HSPA12A: variants seen among roughly 807,000 people sequenced by gnomAD.
HSPA12A encodes the protein heat shock protein family A (Hsp70) member 12A, also known as heat shock 70 kDa protein 12A.
HSPA12A carries 28 observed loss-of-function variants against 69.2 expected under a neutral mutation model. The ratio of observed to expected loss-of-function variants is 0.40; its 90% CI spans 0.30 to 0.55. The LOEUF (loss-of-function observed/expected upper bound fraction) is 0.55. HSPA12A is among the 20% of genes least tolerant of loss of function. HSPA12A has a pLI of 0.38. For synonymous variants in HSPA12A, 345 were observed against 370.5 expected, an observed-to-expected ratio of 0.93 and a Z score of 0.79; for missense variants, 686 against 900.7, an observed-to-expected ratio of 0.76 and a Z score of 3.05.
At chr10:116,763,303 G>C (rs546386003) in intron 2 of HSPA12A, among the ~76,000 whole-genome samples, 1 of 152,160 alleles carries the variant, frequency 6.6e-6, no homozygotes, top group Non-Finnish European at 1.5e-5. Flanking sequence ...GAAGCCAAAT[G>C]ATCTTTTAGC....
chr10:116,709,715 C>T lies in HSPA12A; in HGVS notation c.41-2430G>A, dbSNP rs1850369129. 1.3e-5 allele frequency among the ~76,000 whole-genome samples: 2 copies of T among 152,032 alleles called. 1 individual carries two copies. Among genetic ancestry groups the T allele is most frequent in the Non-Finnish European group, 2.9e-5 (2 of 67,988 alleles). Reference sequence around the variant, plus strand: ...AAGAGGAAGGGAGAAATGGAGAGTTCTTGCTTAATGAGTACAGAATTTCTC... The same window carrying T: ...AAGAGGAAGGGAGAAATGGAGAGTTTTTGCTTAATGAGTACAGAATTTCTC... On this transcript the variant is annotated intron_variant, in intron 1 of 11. Coordinates refer to ENST00000369209, the MANE Select transcript of HSPA12A (RefSeq NM_025015.3).
rs1850407993 is a variant in HSPA12A at position 116,710,989 on chromosome 10, T to C, written c.41-3704A>G. Among the ~76,000 whole-genome samples the C allele has an allele frequency of 1.3e-5, 2 of 152,026 alleles. No homozygotes were observed. The highest frequency in any genetic ancestry group is 4.8e-5 in the African/African-American group (2 of 41,396). On this transcript the variant is annotated intron_variant, in intron 1 of 11. Transcript: ENST00000369209. This position sits in a 1 kb window ranked among gnomAD's most constrained non-coding sequence, Gnocchi z 4.1. ...TCCCAACAAGGCTTGAGATCTTTCA[T>C]TCAGTAGGTAAATGATCAGAAATAA...
chr10:116,792,099 C>A (rs895432957), intron 2 of HSPA12A, among the ~76,000 whole-genome samples: 1 of 151,582 alleles, frequency 6.6e-6, no homozygotes, highest in Admixed American at 6.6e-5. Flanking sequence ...TTCTTGAACA[C>A]TTTCAGGTCT....
At chr10:116,733,864 C>T (rs782497888) in intron 1 of HSPA12A, among the ~76,000 whole-genome samples, 17 of 152,124 alleles carry the variant, frequency 1.1e-4, no homozygotes, top group Admixed American at 3.3e-4. Context: ...ATATTTTCAA[C>T]GTTTTTATGG....
intron 2 of HSPA12A, among the ~76,000 whole-genome samples, chr10:116,822,720 C>G (rs1044658244): frequency 2.0e-5 from 3 of 152,186 alleles, no homozygotes; most frequent in Middle Eastern, 3.2e-3. Context: ...ACATTTTTAT[C>G]ACTGGCTTGA....
intron 1 of HSPA12A, among the ~76,000 whole-genome samples, chr10:116,724,574 A>G (rs1850888609): frequency 6.6e-6 from 1 of 152,110 alleles, no homozygotes; most frequent in Non-Finnish European, 1.5e-5. Flanking sequence ...CAAGGGGTTA[A>G]CAGGGGCTGC....
chr10:116,705,703 C>A (rs1337236020), intron 2 of HSPA12A, among the ~76,000 whole-genome samples: 1 of 152,232 alleles, frequency 6.6e-6, no homozygotes. Context: ...GCTGTGCCCT[C>A]TGTACACCCA....
At position 116,781,537 on chromosome 10, in the gene HSPA12A, C is replaced by T. The variant is rs183646123; in HGVS notation, c.91+53398G>A. Among the ~76,000 whole-genome samples, 16 of 152,268 alleles carry T rather than the reference C, an allele frequency of 1.1e-4. No individual in the cohort carries two copies. The East Asian group carries it at 3.1e-3, about 29-fold the overall frequency. The stretch of plus-strand genomic sequence containing the variant: ...GGGGAGGGGTGGTGCAGGAGCCCCA[C>T]AGCCCTGGGTCCAAGGTGAGGCCAA... On this transcript the variant is annotated intron_variant, in intron 2 of 12. Transcript: ENST00000635765.
rs564411131 is a variant in HSPA12A at position 116,687,765 on chromosome 10, G to T, written c.664-3803C>A. On this transcript the variant is annotated intron_variant, in intron 6 of 11. Transcript: ENST00000369209. ...CAACTGCAACCACAGAACACTCTCCGTCTTTGCTAATTCTGCCTTCAGAGA... is the reference window on the plus strand; with the variant it reads ...CAACTGCAACCACAGAACACTCTCCTTCTTTGCTAATTCTGCCTTCAGAGA... Among the ~76,000 whole-genome samples, 141 of 152,288 alleles carry T rather than the reference G, an allele frequency of 9.3e-4. 2 individuals carry two copies. The South Asian group carries it at 0.027, about 29-fold the overall frequency.
At chr10:116,836,920 C>G (rs7072698) in intron 1 of HSPA12A, among the ~76,000 whole-genome samples, 7 of 151,976 alleles carry the variant, frequency 4.6e-5, no homozygotes, top group Non-Finnish European at 1.0e-4. Context: ...CATATAGGGT[C>G]CAGTGTGATT....
intron 1 of HSPA12A, chr10:116,849,533 G>A (rs762648187): frequency 8.1e-6 from 12 of 1,487,404 alleles, no homozygotes; most frequent in Non-Finnish European, 1.1e-5. Context: ...TGGGACCCCA[G>A]GCTAAACCCC....
chr10:116,734,650 C>CTTTTT (rs10631951), intron 1 of HSPA12A, among the ~76,000 whole-genome samples: 8 of 133,826 alleles, frequency 6.0e-5, no homozygotes, highest in African/African-American at 2.2e-4. Context: ...AGATTTTCAG[C>CTTTTT]TTTTTTTTTT....
At chr10:116,782,438 C>T (rs531873813) in intron 2 of HSPA12A, among the ~76,000 whole-genome samples, 7 of 152,242 alleles carry the variant, frequency 4.6e-5, no homozygotes, top group African/African-American at 1.2e-4. Flanking sequence ...CAACCAAAAT[C>T]GGGAGAGGGA....
At chr10:116,749,486 G>C (rs1851725488) in intron 2 of HSPA12A, among the ~76,000 whole-genome samples, 1 of 152,196 alleles carries the variant, frequency 6.6e-6, no homozygotes, top group Admixed American at 6.5e-5. Context: ...AGTGGCAGAG[G>C]AAGAATTTGC....
intron 2 of HSPA12A, among the ~76,000 whole-genome samples, chr10:116,801,142 T>C (rs140722623): frequency 6.6e-6 from 1 of 152,336 alleles, no homozygotes; most frequent in Admixed American, 6.5e-5. Flanking sequence ...ACACATCCTA[T>C]TTCCGGTCTA....
At chr10:116,805,148 C>T (rs560714000) in intron 2 of HSPA12A, among the ~76,000 whole-genome samples, 4 of 152,206 alleles carry the variant, frequency 2.6e-5, no homozygotes, top group Non-Finnish European at 5.9e-5. Flanking sequence ...AACCCTGTCT[C>T]TACTAAAAAT....
intron 10 of HSPA12A, among the ~76,000 whole-genome samples, chr10:116,678,587 A>G (rs1278774956): frequency 0.017 from 16 of 928 alleles, no homozygotes; most frequent in African/African-American, 0.061. Context: ...GTACAAAGTG[A>G]AAAAAAAAAA....
intron 1 of HSPA12A, among the ~76,000 whole-genome samples, chr10:116,722,878 C>T (rs1850823933): frequency 6.6e-6 from 1 of 152,140 alleles, no homozygotes; most frequent in Non-Finnish European, 1.5e-5. Context: ...AGACTGACAT[C>T]CCTGAAGGGG....
chr10:116,676,550 A>G (rs930920417), intron 10 of HSPA12A, 48 bp from the exon 11 acceptor site: 7 of 1,414,180 alleles, frequency 4.9e-6, no homozygotes, highest in African/African-American at 1.4e-5. Flanking sequence ...GGTCTACACG[A>G]TACCCAGGCT....
Sources: gnomAD v4.1 joint callset for allele counts (sites outside exome capture counted in the v4.1 genomes callset) on GRCh38, gnomAD v4.1.1 for gene constraint, Gnocchi (gnomAD v3.1) non-coding constraint, MANE v1.5 for transcripts, NCBI Gene and HGNC (gene_info 2026-07-23, HGNC 2026-07-21) for gene names.